The following PXDNL variants were observed in gnomAD, a reference collection of about 807,000 sequenced individuals.
PXDNL encodes the protein probable oxidoreductase PXDNL.
Under a neutral mutation model 150.8 loss-of-function variants are expected in PXDNL, and 145 were observed. The observed-to-expected ratio is 0.96, with a 90% confidence interval of 0.84 to 1.10. The LOEUF is 1.10. Ranked by LOEUF, PXDNL falls within the 50% of genes least tolerant of loss-of-function variation. The pLI, the probability that PXDNL is intolerant of heterozygous loss-of-function variation, is 0.00. For synonymous variants in PXDNL, 757 were observed against 725.7 expected (o/e 1.04, Z -0.69); for missense variants, 2,087 against 1,873.9 (o/e 1.11, Z -2.10).
At chr8:51,763,187 T>C (rs750090647) in intron 1 of PXDNL, among the ~76,000 whole-genome samples, 9 of 152,316 alleles carry the variant, frequency 5.9e-5, no homozygotes, top group South Asian at 4.1e-4. Context: ...AATGATATCA[T>C]AGAATATGCA....
At chr8:51,654,586 C>T (rs17192061) in intron 2 of PXDNL, 103 bp downstream of exon 2, 24,199 of 831,060 alleles carry the variant, frequency 0.029, 482 homozygotes, top group Middle Eastern at 0.068. Flanking sequence ...AGGTGTCATT[C>T]TTCTACTAGC....
chr8:51,352,018 G>T (rs1806368436), intron 19 of PXDNL, among the ~76,000 whole-genome samples: 2 of 151,964 alleles, frequency 1.3e-5, no homozygotes, highest in South Asian at 2.1e-4. Flanking sequence ...CAGGTCACAG[G>T]TTCTGCTCTC....
intron 19 of PXDNL, among the ~76,000 whole-genome samples, chr8:51,356,555 T>G (rs2976988): frequency 0.73 from 110,616 of 150,926 alleles, 41,065 homozygotes; most frequent in East Asian, 0.94. Flanking sequence ...AAGAACCTAG[T>G]AATTTAATGT....
At chr8:51,363,686 T>C (rs991662793) in intron 19 of PXDNL, among the ~76,000 whole-genome samples, 6 of 152,190 alleles carry the variant, frequency 3.9e-5, no homozygotes, top group Admixed American at 1.3e-4. Context: ...GTGGATTTCA[T>C]TTCTGCCTTT....
chr8:51,798,037 G>A (rs531159665), intron 1 of PXDNL, among the ~76,000 whole-genome samples: 1 of 152,076 alleles, frequency 6.6e-6, no homozygotes, highest in Non-Finnish European at 1.5e-5. Flanking sequence ...TCTACAATCA[G>A]CTGATCTTCA....
intron 1 of PXDNL, among the ~76,000 whole-genome samples, chr8:51,745,182 TATAAG>T (rs1334283324): frequency 5.9e-5 from 9 of 152,176 alleles, no homozygotes; most frequent in African/African-American, 1.7e-4. Flanking sequence ...ACCAAGTGCC[TATAAG>T]ATAACTTAAA....
rs1220639706 is a variant in PXDNL, at chr8:51,409,310, C to T, written c.2314G>A (p.Gly772Ser). Reference protein sequence around the residue: ...RAPRGLGLPVGSRQPLPPPRL... With the variant: ...RAPRGLGLPVSSRQPLPPPRL... ...GGCGGCGGGAGGGGCTGGCGGGAGC[C>T]CACAGGAAGGCCGAGCCCGCGGGGC... The change falls in exon 17 of 23, where the codon GGC becomes AGC. Residue 772 changes from glycine to serine, a missense_variant. Coordinates refer to ENST00000356297, the MANE Select transcript of PXDNL (RefSeq NM_144651.5). 3.5e-6 allele frequency: 5 copies of T among 1,423,424 alleles called. No individual in the cohort carries two copies. Among genetic ancestry groups the T allele is most frequent in the South Asian group, 3.0e-5 (2 of 65,922 alleles). 88.2% of individuals were successfully genotyped at this position (1,423,424 alleles called of 1,614,324 possible).
intron 1 of PXDNL, among the ~76,000 whole-genome samples, chr8:51,664,034 G>C (rs1815329575): frequency 7.0e-6 from 1 of 142,858 alleles, no homozygotes; most frequent in Non-Finnish European, 1.5e-5. Context: ...TTGGGCAACA[G>C]AGCGAGACTC....
chr8:51,671,437 A>C (rs1405383543), intron 1 of PXDNL, among the ~76,000 whole-genome samples: 1 of 152,242 alleles, frequency 6.6e-6, no homozygotes, highest in Non-Finnish European at 1.5e-5. Flanking sequence ...ACAGCAACAG[A>C]GACCTCTATA....
At chr8:51,367,754 T>C (rs1435067867) in intron 19 of PXDNL, among the ~76,000 whole-genome samples, 1 of 152,092 alleles carries the variant, frequency 6.6e-6, no homozygotes, top group Non-Finnish European at 1.5e-5. Flanking sequence ...ATGGATTTAG[T>C]TAAGGGCAAA....
Position 51,746,677 on chromosome 8 carries a change from A to G in PXDNL, c.164+62504T>C, listed in dbSNP as rs560899545. 1.4e-4 allele frequency among the ~76,000 whole-genome samples: 21 copies of G among 152,290 alleles called. No individual in the cohort carries two copies. The South Asian group carries it at 4.4e-3, about 32-fold the overall frequency. The stretch of plus-strand genomic sequence containing the variant: ...TTTTATTATCTACTTTGTAAGCTCC[A>G]GTAATGTCTATTTGTTGCTTCTTGT... On this transcript the variant is annotated intron_variant, in intron 1 of 22. Coordinates refer to ENST00000356297, the MANE Select transcript of PXDNL (RefSeq NM_144651.5).
chr8:51,701,530 G>T lies in PXDNL; in HGVS notation c.165-46770C>A, dbSNP rs566995993. 1.3e-4 allele frequency among the ~76,000 whole-genome samples: 20 copies of T among 152,180 alleles called. No homozygotes were observed. The South Asian group carries it at 3.9e-3, about 30-fold the overall frequency. On this transcript the variant is annotated intron_variant, in intron 1 of 22. Transcript: ENST00000356297. ...CAGAACTGTTCTTCCATTCTACTTT[G>T]CCTATACTAAGTGATCCTCTTGGTT...
At chr8:51,394,557 C>T (rs889961914) in intron 17 of PXDNL, among the ~76,000 whole-genome samples, 1 of 152,174 alleles carries the variant, frequency 6.6e-6, no homozygotes, top group Non-Finnish European at 1.5e-5. Flanking sequence ...CTAGTATACC[C>T]TTGGACTTTT....
chr8:51,492,824 C>T (rs1015806739), intron 5 of PXDNL, among the ~76,000 whole-genome samples: 1 of 152,208 alleles, frequency 6.6e-6, no homozygotes, highest in Non-Finnish European at 1.5e-5. Flanking sequence ...CGTAAGGAGG[C>T]CTGCCTGCCT....
At chr8:51,682,913 C>A (rs1322806819) in intron 1 of PXDNL, among the ~76,000 whole-genome samples, 1 of 151,944 alleles carries the variant, frequency 6.6e-6, no homozygotes, top group East Asian at 1.9e-4. Context: ...CCAGTTCTAA[C>A]AAGTTCCCAG....
intron 3 of PXDNL, among the ~76,000 whole-genome samples, chr8:51,562,391 A>C (rs1012292556): frequency 2.6e-5 from 4 of 151,974 alleles, no homozygotes; most frequent in Admixed American, 1.3e-4. Context: ...ATTCCAAAAA[A>C]TATTATGTGA....
chr8:51,576,541 T>C (rs1419906837), intron 3 of PXDNL, among the ~76,000 whole-genome samples: 3 of 151,826 alleles, frequency 2.0e-5, no homozygotes, highest in African/African-American at 7.2e-5. Context: ...GGAAAATCTA[T>C]CATATGACAT....
chr8:51,415,557 C>G (rs187637074), intron 14 of PXDNL, among the ~76,000 whole-genome samples: 1 of 152,150 alleles, frequency 6.6e-6, no homozygotes, highest in Non-Finnish European at 1.5e-5. Context: ...CAGGCCCCTC[C>G]TCCAACACTG....
chr8:51,449,165 T>G, intron 10 of PXDNL, 47 bp from the exon 11 acceptor site: 1 of 1,044,192 alleles, frequency 9.6e-7, no homozygotes, highest in African/African-American at 1.6e-5. Context: ...ATTTTACAAA[T>G]TTTCAGTGCC....
Sources: gnomAD v4.1 joint callset for allele counts (sites outside exome capture counted in the v4.1 genomes callset) on GRCh38, gnomAD v4.1.1 for gene constraint, MANE v1.5 for transcripts, NCBI Gene and HGNC (gene_info 2026-07-23, HGNC 2026-07-21) for gene names.